PDLIM5: variants seen among roughly 807,000 people sequenced by gnomAD.
PDLIM5 encodes the protein PDZ and LIM domain 5.
In PDLIM5, 34 loss-of-function variants were observed where a neutral mutation model predicts 64.2. The ratio of observed to expected loss-of-function variants is 0.53; its 90% confidence interval spans 0.40 to 0.71. PDLIM5 has a LOEUF of 0.71. Ranked by LOEUF, PDLIM5 falls within the 30% of genes least tolerant of loss-of-function variation. PDLIM5 has a pLI of 0.00. For missense variants in PDLIM5, 683 were observed against 733.6 expected (o/e 0.93, Z 0.80); for synonymous variants, 253 against 269.1 (o/e 0.94, Z 0.59).
chr4:94,618,728 C>A (rs1738986030), intron 8 of PDLIM5, among the ~76,000 whole-genome samples: 1 of 152,174 alleles, frequency 6.6e-6, no homozygotes, highest in South Asian at 2.1e-4. Flanking sequence ...TCATTGACTT[C>A]TACAGATTAA....
At chr4:94,458,595 T>C (rs1218383544) in intron 2 of PDLIM5, among the ~76,000 whole-genome samples, 1 of 152,204 alleles carries the variant, frequency 6.6e-6, no homozygotes, top group Admixed American at 6.5e-5. Flanking sequence ...GTGCAATTTT[T>C]CCTCTGATTA....
chr4:94,598,460 G>A (rs1254655295), intron 7 of PDLIM5, among the ~76,000 whole-genome samples: 1 of 152,104 alleles, frequency 6.6e-6, no homozygotes, highest in East Asian at 1.9e-4. Context: ...AGTTATATGA[G>A]TAGTTGATAT....
chr4:94,566,062 C>T lies in PDLIM5; in HGVS notation c.249-7289C>T, dbSNP rs192587557. Among the ~76,000 whole-genome samples the T allele has an allele frequency of 1.2e-4, 18 of 152,272 alleles. No homozygotes were observed. In the East Asian group the frequency reaches 3.5e-3, roughly 29 times the overall value. ...TTATTCATTGTTTGGAGCCATTACT[C>T]TCTGAAATTCTTTACCAAAGTTATT... is the stretch of plus-strand genomic sequence containing the variant. On this transcript the variant is annotated intron_variant, in intron 3 of 12. Transcript: ENST00000317968.
chr4:94,467,523 A>G (rs1198001359), intron 2 of PDLIM5, among the ~76,000 whole-genome samples: 1 of 152,106 alleles, frequency 6.6e-6, no homozygotes, highest in Non-Finnish European at 1.5e-5. Flanking sequence ...CATTTTGGCC[A>G]GGCTGGTCTT....
At chr4:94,546,214 T>C (rs947083384) in intron 3 of PDLIM5, among the ~76,000 whole-genome samples, 1 of 152,194 alleles carries the variant, frequency 6.6e-6, no homozygotes, top group Non-Finnish European at 1.5e-5. Context: ...CTGACCCAAA[T>C]GATATTGCAT....
intron 11 of PDLIM5, among the ~76,000 whole-genome samples, 196 bp from the exon 12 acceptor site, chr4:94,662,226 T>TA (rs1742789842): frequency 7.6e-6 from 1 of 130,788 alleles, no homozygotes; most frequent in African/African-American, 2.5e-5. Flanking sequence ...ATAATATTTA[T>TA]ACCAAGGGAA....
At chr4:94,466,099 C>G (rs1297134315) in intron 2 of PDLIM5, among the ~76,000 whole-genome samples, 1 of 152,092 alleles carries the variant, frequency 6.6e-6, no homozygotes, top group African/African-American at 2.4e-5. Flanking sequence ...TCCCAAGCAG[C>G]TGGGACTGCA....
chr4:94,504,940 C>G (rs935332891), intron 2 of PDLIM5, among the ~76,000 whole-genome samples: 1 of 152,194 alleles, frequency 6.6e-6, no homozygotes, highest in African/African-American at 2.4e-5. Context: ...CTGAGACTTT[C>G]TAAACCAAGT....
At position 94,481,639 on chromosome 4, in the gene PDLIM5, C is replaced by T. The variant is rs549447415; in HGVS notation, c.96+26255C>T. On this transcript the variant is annotated intron_variant, in intron 2 of 12. Transcript: ENST00000317968. ...TCATTTTTTTTTTGAGACGGAGTCT[C>T]GTTCTGTCACCCAGGCTGGAGTGCA... Among the ~76,000 whole-genome samples, 9 of 149,990 alleles carry T rather than the reference C, an allele frequency of 6.0e-5. 1 individual carries two copies. In the South Asian group the frequency reaches 1.1e-3, roughly 18 times the overall value.
At chr4:94,496,461 T>G (rs1313661111) in intron 2 of PDLIM5, among the ~76,000 whole-genome samples, 2 of 152,138 alleles carry the variant, frequency 1.3e-5, no homozygotes, top group African/African-American at 4.8e-5. Flanking sequence ...GGTGAACAGT[T>G]TGCCAGATGC....
intron 2 of PDLIM5, among the ~76,000 whole-genome samples, chr4:94,518,833 G>T (rs1421706271): frequency 6.6e-6 from 1 of 152,064 alleles, no homozygotes; most frequent in Non-Finnish European, 1.5e-5. Flanking sequence ...TTTCCTCATG[G>T]TCTTGGTTCC....
At chr4:94,661,858 G>T (rs1005236421) in intron 11 of PDLIM5, among the ~76,000 whole-genome samples, 2 of 147,936 alleles carry the variant, frequency 1.4e-5, no homozygotes, top group Non-Finnish European at 3.0e-5. Flanking sequence ...TCTCACTCTT[G>T]TCACTAGGCT....
At chr4:94,660,926 T>TA (rs869134683) in intron 11 of PDLIM5, among the ~76,000 whole-genome samples, 7 of 115,848 alleles carry the variant, frequency 6.0e-5, no homozygotes, top group South Asian at 2.6e-4. Flanking sequence ...TAAAAAAAAA[T>TA]AAAAAAAATA....
intron 3 of PDLIM5, among the ~76,000 whole-genome samples, chr4:94,571,183 C>T (rs752898514): frequency 2.6e-5 from 4 of 152,164 alleles, no homozygotes; most frequent in Non-Finnish European, 5.9e-5. Flanking sequence ...TTTTCCTATA[C>T]ATTATTCTAA....
intron 8 of PDLIM5, among the ~76,000 whole-genome samples, chr4:94,626,402 A>G (rs1016493914): frequency 6.6e-6 from 1 of 152,380 alleles, no homozygotes; most frequent in Admixed American, 6.5e-5. Context: ...GAGAAAAGTC[A>G]AAAGAATTGT....
At chr4:94,622,466 A>G (rs1373518991) in intron 8 of PDLIM5, among the ~76,000 whole-genome samples, 2 of 152,236 alleles carry the variant, frequency 1.3e-5, no homozygotes, top group Admixed American at 6.5e-5. Flanking sequence ...CAAAATGAGA[A>G]TGAATAATTC....
chr4:94,569,521 T>C (rs912253517), intron 3 of PDLIM5, among the ~76,000 whole-genome samples: 1 of 152,102 alleles, frequency 6.6e-6, no homozygotes, highest in East Asian at 1.9e-4. Flanking sequence ...GGTTTCACCA[T>C]GTTGGCCAGG....
chr4:94,662,055 G>A lies in PDLIM5; in HGVS notation c.1586-367G>A, dbSNP rs563636068. On this transcript the variant is annotated intron_variant, in intron 11 of 12. Transcript: ENST00000317968. ...AGGATGGTCTCAATCTCTTGACCTC[G>A]TGATCTGCCTACCTCAGCCTCCCAA... Among the ~76,000 whole-genome samples, 14 of 152,098 alleles carry A rather than the reference G, an allele frequency of 9.2e-5. No homozygotes were observed. The South Asian group carries it at 2.5e-3, about 27-fold the overall frequency.
chr4:94,658,506 T>C (rs893989418), intron 11 of PDLIM5, among the ~76,000 whole-genome samples: 2 of 152,230 alleles, frequency 1.3e-5, no homozygotes, highest in African/African-American at 4.8e-5. Flanking sequence ...TTTCCTTTAT[T>C]GTGCCTCTAT....
Sources: allele counts gnomAD v4.1 joint callset (sites outside exome capture counted in the v4.1 genomes callset), GRCh38; gene constraint gnomAD v4.1.1; transcripts MANE v1.5; gene names NCBI Gene and HGNC (gene_info 2026-07-23, HGNC 2026-07-21).